Variants in PADI2 observed in about 807,000 individuals in gnomAD.
PADI2 encodes protein-arginine deiminase type-2.
A neutral mutation model predicts 81.1 loss-of-function variants in PADI2; 70 were observed. That is an observed-to-expected ratio of 0.86 (90% CI 0.71 to 1.05). PADI2 has a LOEUF of 1.05. Ranked by LOEUF, PADI2 falls within the 50% of genes least tolerant of loss-of-function variation. The pLI is 0.00. For synonymous variants in PADI2, 338 were observed against 358.0 expected (o/e 0.94, Z 0.63); for missense variants, 853 against 889.9 (o/e 0.96, Z 0.53).
intron 4 of PADI2, among the ~76,000 whole-genome samples, chr1:17,094,476 C>G (rs1930834531): frequency 6.6e-6 from 1 of 152,162 alleles, no homozygotes; most frequent in African/African-American, 2.4e-5. Flanking sequence ...TTCTGATTCT[C>G]TAGGACAGAG....
At chr1:17,100,049 G>T (rs1230751587) in intron 3 of PADI2, among the ~76,000 whole-genome samples, 1 of 151,918 alleles carries the variant, frequency 6.6e-6, no homozygotes, top group Non-Finnish European at 1.5e-5. Flanking sequence ...TGGGGTTGGG[G>T]GGGGGCTTGC....
intron 1 of PADI2, among the ~76,000 whole-genome samples, chr1:17,107,518 G>A (rs1252677548): frequency 1.3e-5 from 2 of 152,244 alleles, no homozygotes; most frequent in African/African-American, 4.8e-5. Context: ...ATCCAATTCA[G>A]GAGGTCTGGC....
In PADI2 at chr1:17,068,861, T is replaced by C. The variant is rs966354057; in HGVS notation, c.*183A>G. ...GGACAGAGTCGAGGCTCACTGGGGA[T>C]GGCTTCAGAGGACACTGAGGCCCCT... On this transcript the variant is annotated 3_prime_UTR_variant, in exon 16 of 16. Coordinates refer to ENST00000375486, the MANE Select transcript of PADI2 (RefSeq NM_007365.3). 4 of 607,078 alleles carry C rather than the reference T, an allele frequency of 6.6e-6. No homozygotes were observed. The highest frequency in any genetic ancestry group is 5.6e-5 in the African/African-American group (3 of 53,976). The allele number at this position is 607,078 out of a possible 1,614,324, so 37.6% of individuals were successfully genotyped here. A position where few individuals can be genotyped will look rare whatever the true frequency, so the allele number is the denominator to read the frequency against.
In PADI2 at chr1:17,105,023, TG is replaced by T. The variant is rs778886898; in HGVS notation, c.130del (p.His44ThrfsTer38). ...PAGAQTFSLK[H>X]SEHVWVEVVR... ...CACCTCCACCCACACGTGTTCCGAGTGCTTCAGGCTGAAGGTTTGGGCCCCG... is the reference window on the plus strand; with the variant it reads ...CACCTCCACCCACACGTGTTCCGAGTCTTCAGGCTGAAGGTTTGGGCCCCG... On this transcript the variant is annotated frameshift_variant, in exon 2 of 16. Coordinates refer to ENST00000375486, the MANE Select transcript of PADI2 (RefSeq NM_007365.3). LOFTEE classifies it high-confidence loss of function. 6.3e-7 allele frequency: 1 copy of T among 1,598,536 alleles called. No individual in the cohort carries two copies. Among genetic ancestry groups the T allele is most frequent in the South Asian group, 1.1e-5 (1 of 90,188 alleles).
At chr1:17,088,681 G>A (rs1930554123) in intron 6 of PADI2, among the ~76,000 whole-genome samples, 1 of 151,970 alleles carries the variant, frequency 6.6e-6, no homozygotes, top group South Asian at 2.1e-4. Context: ...TGCTGAGGCG[G>A]GCGAATCACG....
chr1:17,067,436 C>T lies in PADI2; in HGVS notation c.*1608G>A, dbSNP rs553506324. 6.6e-6 allele frequency: 1 copy of T among 152,274 alleles called. No homozygotes were observed. The highest frequency in any genetic ancestry group is 1.5e-5 in the Non-Finnish European group (1 of 68,038). The allele number at this position is 152,274 out of a possible 1,614,324, so 9.4% of individuals were successfully genotyped here. On this transcript the variant is annotated 3_prime_UTR_variant, in exon 16 of 16. Coordinates refer to ENST00000375486, the MANE Select transcript of PADI2 (RefSeq NM_007365.3). ...TGGGGACTCATTGGATGGGTACTGG[C>T]TAGGTAGATGGGAAGGGGGCCTGTT...
At chr1:17,071,368 A>G in intron 14 of PADI2, 38 bp downstream of exon 14, 2 of 1,482,376 alleles carry the variant, frequency 1.3e-6, no homozygotes, top group Non-Finnish European at 1.9e-6. Context: ...CATCCCTCCC[A>G]GGGGCCCTCT....
At chr1:17,116,137 C>T (rs1931751665) in intron 1 of PADI2, among the ~76,000 whole-genome samples, 1 of 152,250 alleles carries the variant, frequency 6.6e-6, no homozygotes, top group South Asian at 2.1e-4. Context: ...TCAGTGGAGA[C>T]TCAGAGAAGT....
intron 10 of PADI2, among the ~76,000 whole-genome samples, chr1:17,080,441 G>T (rs1476217111): frequency 6.6e-6 from 1 of 152,204 alleles, no homozygotes; most frequent in Non-Finnish European, 1.5e-5. Context: ...CACCTTGAGC[G>T]CTAGAGTAAG....
At chr1:17,072,031 C>T (rs534921345) in intron 13 of PADI2, among the ~76,000 whole-genome samples, 11 of 152,204 alleles carry the variant, frequency 7.2e-5, no homozygotes, top group South Asian at 2.1e-4. Context: ...CTCTTCTAAA[C>T]GCTTTACATT....
At chr1:17,081,137 C>T (rs1346777942) in intron 10 of PADI2, among the ~76,000 whole-genome samples, 1 of 152,220 alleles carries the variant, frequency 6.6e-6, no homozygotes, top group Non-Finnish European at 1.5e-5. Flanking sequence ...GCTTCTCATG[C>T]CTGTGGCAAC....
chr1:17,096,208 G>A (rs999025337), intron 3 of PADI2, among the ~76,000 whole-genome samples: 6 of 152,206 alleles, frequency 3.9e-5, no homozygotes, highest in Non-Finnish European at 7.3e-5. Context: ...TGCCATCGGG[G>A]AGGTCTGGGA....
chr1:17,070,300 C>A, intron 14 of PADI2, 84 bp from the exon 15 acceptor site: 1 of 1,565,960 alleles, frequency 6.4e-7, no homozygotes, highest in South Asian at 1.2e-5. Flanking sequence ...GTCTGCAGCA[C>A]CAGGCCAGGG....
chr1:17,082,863 G>A (rs546066850), intron 9 of PADI2: 36 of 461,314 alleles, frequency 7.8e-5, no homozygotes, highest in African/African-American at 5.4e-4. Context: ...GTTTCTTACC[G>A]ATATCAGCCC....
At chr1:17,109,974 G>T (rs1429604285) in intron 1 of PADI2, among the ~76,000 whole-genome samples, 1 of 152,192 alleles carries the variant, frequency 6.6e-6, no homozygotes, top group African/African-American at 2.4e-5. Context: ...AGGCTCCAGA[G>T]GGTTAACGCC....
chr1:17,102,078 T>C (rs1318628890), intron 3 of PADI2, among the ~76,000 whole-genome samples: 1 of 152,166 alleles, frequency 6.6e-6, no homozygotes, highest in Non-Finnish European at 1.5e-5. Context: ...GGCCGCATCA[T>C]TATTTTGAAA....
At chr1:17,091,199 G>C (rs971707406) in intron 6 of PADI2, among the ~76,000 whole-genome samples, 4 of 148,220 alleles carry the variant, frequency 2.7e-5, no homozygotes, top group Admixed American at 1.4e-4. Context: ...GAGGGTCCAG[G>C]GTCCCTACTC....
chr1:17,075,424 G>T (rs1570977558), intron 12 of PADI2: 1 of 442,402 alleles, frequency 2.3e-6, no homozygotes, highest in Non-Finnish European at 4.0e-6. Flanking sequence ...AGATTTTGAA[G>T]ATTTAGTATG....
intron 6 of PADI2, among the ~76,000 whole-genome samples, chr1:17,090,819 GA>G (rs2101591682): frequency 6.6e-6 from 1 of 151,902 alleles, no homozygotes; most frequent in East Asian, 1.9e-4. Flanking sequence ...GGCAAGTGAT[GA>G]GGAGGGATGA....
Sources: gnomAD v4.1 joint callset for allele counts (sites outside exome capture counted in the v4.1 genomes callset) on GRCh38, gnomAD v4.1.1 for gene constraint, MANE v1.5 for transcripts, NCBI Gene and HGNC (gene_info 2026-07-23, HGNC 2026-07-21) for gene names.